Variants in EPS15 observed in about 807,000 individuals in gnomAD.
EPS15 encodes the protein epidermal growth factor receptor substrate 15.
In EPS15, 72 loss-of-function variants were observed where a neutral mutation model predicts 113.8. That is an observed-to-expected ratio of 0.63 (90% CI 0.52 to 0.77). The LOEUF (loss-of-function observed/expected upper bound fraction) is 0.77, where lower values mean the gene tolerates loss of function less well. EPS15 is among the 30% of genes least tolerant of loss of function. The probability of loss-of-function intolerance (pLI) is 0.00; values close to 1 mark genes in which losing one functional copy is unlikely to be tolerated. For synonymous variants in EPS15, 344 were observed against 363.4 expected (o/e 0.95, Z 0.61); for missense variants, 1,048 against 1,045.8 (o/e 1.00, Z -0.03).
intron 21 of EPS15, among the ~76,000 whole-genome samples, chr1:51,374,846 G>T (rs1185794940): frequency 1.3e-5 from 2 of 151,916 alleles, no homozygotes; most frequent in African/African-American, 4.8e-5. Context: ...TGGAATTACA[G>T]GTGCATGCCA....
intron 1 of EPS15, among the ~76,000 whole-genome samples, chr1:51,503,006 C>CAA (rs56340331): frequency 0.016 from 1,111 of 67,410 alleles, 17 homozygotes; most frequent in African/African-American, 0.053. Flanking sequence ...GACTCTGTCT[C>CAA]AAAAAAAAAA....
At chr1:51,376,064 T>C (rs915122232) in intron 21 of EPS15, among the ~76,000 whole-genome samples, 18 of 152,236 alleles carry the variant, frequency 1.2e-4, no homozygotes, top group African/African-American at 3.9e-4. Flanking sequence ...GACAAAGCAG[T>C]CTTCTACTGG....
At chr1:51,432,317 T>C (rs1218766955) in intron 12 of EPS15, among the ~76,000 whole-genome samples, 1 of 151,436 alleles carries the variant, frequency 6.6e-6, no homozygotes, top group Non-Finnish European at 1.5e-5. Context: ...TATGTATGTA[T>C]GTATGTATGT....
chr1:51,402,767 A>G (rs1648702152), intron 17 of EPS15, among the ~76,000 whole-genome samples: 1 of 151,982 alleles, frequency 6.6e-6, no homozygotes. Flanking sequence ...TACCAAAAAC[A>G]CAAAAATTAG....
intron 21 of EPS15, among the ~76,000 whole-genome samples, chr1:51,386,935 C>A (rs1457375990): frequency 6.6e-6 from 1 of 152,168 alleles, no homozygotes; most frequent in Non-Finnish European, 1.5e-5. Context: ...TCTAGCAAGG[C>A]AGGCCAACAT....
chr1:51,366,235 T>C (rs920849448), intron 21 of EPS15, among the ~76,000 whole-genome samples: 1 of 152,126 alleles, frequency 6.6e-6, no homozygotes, highest in Non-Finnish European at 1.5e-5. Flanking sequence ...GCCTGACTAA[T>C]TTTTGTGTTT....
chr1:51,486,603 C>G (rs931525462), intron 1 of EPS15, among the ~76,000 whole-genome samples: 6 of 152,004 alleles, frequency 3.9e-5, no homozygotes, highest in African/African-American at 1.4e-4. Context: ...AAAGTAAAAA[C>G]AGAGATTACC....
chr1:51,487,087 T>C (rs1644137931), intron 1 of EPS15, among the ~76,000 whole-genome samples: 2 of 152,208 alleles, frequency 1.3e-5, no homozygotes, highest in African/African-American at 4.8e-5. Flanking sequence ...AAAAACATTA[T>C]TGGTTATAGT....
At chr1:51,433,363 C>T (rs1651887964) in intron 12 of EPS15, among the ~76,000 whole-genome samples, 1 of 152,188 alleles carries the variant, frequency 6.6e-6, no homozygotes, top group Non-Finnish European at 1.5e-5. Flanking sequence ...AAGCATTGTA[C>T]ATGGTTATTC....
chr1:51,385,025 G>GC (rs1434693232), intron 21 of EPS15, among the ~76,000 whole-genome samples: 1 of 152,160 alleles, frequency 6.6e-6, no homozygotes, highest in Non-Finnish European at 1.5e-5. Flanking sequence ...ATTGGATTTA[G>GC]CAACGCTTTC....
Position 51,437,706 on chromosome 1 carries a change from C to T in EPS15, c.1040+2641G>A, listed in dbSNP as rs796241233. Among the ~76,000 whole-genome samples, 82 of 152,152 alleles carry T rather than the reference C, an allele frequency of 5.4e-4. 1 individual carries two copies. The highest frequency in any genetic ancestry group is 1.9e-3 in the African/African-American group (78 of 41,522). On this transcript the variant is annotated intron_variant, in intron 12 of 24. Coordinates refer to ENST00000371733, the MANE Select transcript of EPS15 (RefSeq NM_001981.3). ...CCATGTTGGGCAGGCTGGTCTCAAA[C>T]TCCTGACCTTAAGTGATCCACCTGC...
At chr1:51,357,391 A>AAAAAAAAAAAAATATATAT (rs1491245303) in intron 24 of EPS15, among the ~76,000 whole-genome samples, 1 of 65,720 alleles carries the variant, frequency 1.5e-5, no homozygotes, top group African/African-American at 7.0e-5. Flanking sequence ...AAAAAAAAAA[A>AAAAAAAAAAAAATATATAT]ATATATATAT....
intron 21 of EPS15, among the ~76,000 whole-genome samples, chr1:51,385,813 T>C (rs533846804): frequency 1.6e-4 from 24 of 152,260 alleles, no homozygotes; most frequent in Admixed American, 1.5e-3. Context: ...AAATATGAAT[T>C]TTTTTTATGA....
intron 8 of EPS15, chr1:51,458,606 G>A: frequency 2.3e-6 from 1 of 431,606 alleles, no homozygotes; most frequent in Non-Finnish European, 4.7e-6. Flanking sequence ...GGGTGGTGGT[G>A]CATGCCTGTA....
intron 13 of EPS15, among the ~76,000 whole-genome samples, chr1:51,421,216 C>G (rs975660360): frequency 3.3e-5 from 5 of 152,092 alleles, no homozygotes; most frequent in Non-Finnish European, 5.9e-5. Context: ...CAATTTAACA[C>G]AACACCTAAT....
At chr1:51,499,438 T>C (rs1246847888) in intron 1 of EPS15, among the ~76,000 whole-genome samples, 2 of 152,212 alleles carry the variant, frequency 1.3e-5, no homozygotes, top group Non-Finnish European at 2.9e-5. Flanking sequence ...TAAACATTAC[T>C]GTACAAGTAT....
intron 6 of EPS15, among the ~76,000 whole-genome samples, chr1:51,464,217 A>ATG (rs1281742766): frequency 6.6e-6 from 1 of 151,014 alleles, no homozygotes; most frequent in Non-Finnish European, 1.5e-5. Context: ...TAAAGATGGT[A>ATG]TGAGGTGCAG....
intron 8 of EPS15, 191 bp downstream of exon 8, chr1:51,460,900 G>A: frequency 2.1e-6 from 1 of 471,902 alleles, no homozygotes; most frequent in Non-Finnish European, 3.8e-6. Flanking sequence ...GTTGTGGTGA[G>A]CCAAGATTGT....
chr1:51,445,875 T>C (rs1219878217), intron 10 of EPS15, among the ~76,000 whole-genome samples: 1 of 152,202 alleles, frequency 6.6e-6, no homozygotes, highest in Non-Finnish European at 1.5e-5. Context: ...GCGAAATTAC[T>C]ATGAGAATTA....
Sources: gnomAD v4.1 joint callset for allele counts (sites outside exome capture counted in the v4.1 genomes callset) on GRCh38, gnomAD v4.1.1 for gene constraint, MANE v1.5 for transcripts, NCBI Gene and HGNC (gene_info 2026-07-23, HGNC 2026-07-21) for gene names.